The following ZNF211 variants were observed in gnomAD, a reference collection of about 807,000 sequenced individuals.
The protein encoded by ZNF211 is zinc finger protein C2H2-25.
ZNF211 carries 18 observed loss-of-function variants against 12.1 expected under a neutral mutation model. The observed-to-expected ratio is 1.48, with a 90% CI of 1.03 to 2.20. The LOEUF (loss-of-function observed/expected upper bound fraction) is 2.20, where lower values mean the gene tolerates loss of function less well. ZNF211 is among the 30% of genes most tolerant of loss of function. The pLI is 0.00. For synonymous variants in ZNF211, 249 were observed against 246.0 expected, an observed-to-expected ratio of 1.01 and a Z score of -0.11; for missense variants, 677 against 703.1, an observed-to-expected ratio of 0.96 and a Z score of 0.42.
chr19:57,634,756 G>T lies in ZNF211; in HGVS notation c.256+1G>T. 2 of 1,590,560 alleles carry T rather than the reference G, an allele frequency of 1.3e-6. No individual in the cohort carries two copies. Among genetic ancestry groups the T allele is most frequent in the Non-Finnish European group, 1.7e-6 (2 of 1,167,332 alleles). ...AACTTTGCACTTACGTCCTCCCTGG[G>T]TAAGGCCCTCATACTCACCCTTGTG... On this transcript the variant is annotated splice_donor_variant, in intron 3 of 3. Transcript: ENST00000240731. LOFTEE classifies it high-confidence loss of function.
In ZNF211 at chr19:57,634,716, G is replaced by A. The variant is rs746367795; in HGVS notation, c.217G>A (p.Asp73Asn). 6 of 1,606,504 alleles carry A rather than the reference G, an allele frequency of 3.7e-6. No homozygotes were observed. The highest frequency in any genetic ancestry group is 1.7e-5 in the Admixed American group (1 of 59,464). The change falls in exon 3 of 4, where the codon GAT becomes AAT. Residue 73 changes from aspartate to asparagine, a missense_variant. Asp to Asn is a conservative substitution (Grantham distance 23). Coordinates refer to ENST00000240731, the MANE Select transcript of ZNF211 (RefSeq NM_006385.5). ...LDEAQKHLYF[D>N]VMLENFALTS... is the part of the protein sequence containing the mutation. ...TGAGGCTCAGAAACACCTGTACTTC[G>A]ATGTGATGCTGGAGAACTTTGCACT... is the stretch of plus-strand genomic sequence containing the variant.
At position 57,634,719 on chromosome 19, in the gene ZNF211, G is replaced by A; in HGVS notation, c.220G>A (p.Val74Met). Reference sequence around the variant, plus strand: ...GGCTCAGAAACACCTGTACTTCGATGTGATGCTGGAGAACTTTGCACTTAC... The same window carrying A: ...GGCTCAGAAACACCTGTACTTCGATATGATGCTGGAGAACTTTGCACTTAC... ...DEAQKHLYFD[V>M]MLENFALTSS... The change falls in exon 3 of 4, where the codon GTG becomes ATG. Residue 74 changes from valine (V) to methionine (M), a missense_variant. Physicochemically the swap from Val to Met is conservative, Grantham distance 21 (BLOSUM62 1). Transcript: ENST00000240731. 5.6e-6 allele frequency: 9 copies of A among 1,606,910 alleles called. No individual in the cohort carries two copies. The highest frequency in any genetic ancestry group is 7.7e-6 in the Non-Finnish European group (9 of 1,175,956).
chr19:57,640,069 T>A (rs1444623669), intron 3 of ZNF211: 15 of 1,534,918 alleles, frequency 9.8e-6, no homozygotes, highest in Non-Finnish European at 9.6e-6. Context: ...TGTCATCAGG[T>A]CTGTGTTTAA....
chr19:57,638,659 T>C (rs12609093), intron 3 of ZNF211, among the ~76,000 whole-genome samples: 27,856 of 152,232 alleles, frequency 0.18, 2,716 homozygotes, highest in East Asian at 0.32. Flanking sequence ...AGAATGTTTT[T>C]GGTACACATG....
chr19:57,639,990 T>TGAC (rs1395551693), intron 3 of ZNF211: 62 of 1,535,932 alleles, frequency 4.0e-5, no homozygotes, highest in Non-Finnish European at 5.0e-5. Context: ...AGGATGTTCA[T>TGAC]GACTCCAGCC....
intron 3 of ZNF211, among the ~76,000 whole-genome samples, chr19:57,636,638 C>T (rs148556597): frequency 3.3e-4 from 50 of 152,308 alleles, no homozygotes; most frequent in African/African-American, 9.4e-4. Flanking sequence ...TTTGAAATTA[C>T]GAACTGTGAG....
rs977409689 is a variant in ZNF211, at chr19:57,640,087, C to G, written c.257-617C>G. ...CATCAGGTCTGTGTTTAAATTGCACCAGGAACCTGTCCTGTTTGACTTGTC... is the reference window on the plus strand; with the variant it reads ...CATCAGGTCTGTGTTTAAATTGCACGAGGAACCTGTCCTGTTTGACTTGTC... On this transcript the variant is annotated intron_variant, in intron 3 of 3. Transcript: ENST00000240731. 7 of 1,531,956 alleles carry G rather than the reference C, an allele frequency of 4.6e-6. No individual in the cohort carries two copies. The Middle Eastern group carries it at 5.0e-4, about 110-fold the overall frequency. The allele number at this position is 1,531,956 out of a possible 1,614,324, so 94.9% of individuals were successfully genotyped here.
At chr19:57,633,783 C>T (rs1170883022) in intron 1 of ZNF211, 3 of 1,543,704 alleles carry the variant, frequency 1.9e-6, no homozygotes, top group Non-Finnish European at 2.6e-6. Context: ...AAATCCTCTG[C>T]AGGCTGTTCA....
At chr19:57,635,728 T>C (rs1306514152) in intron 3 of ZNF211, among the ~76,000 whole-genome samples, 1 of 152,206 alleles carries the variant, frequency 6.6e-6, no homozygotes, top group East Asian at 1.9e-4. Flanking sequence ...TGTCCTTGCT[T>C]TCAATTCTTT....
Position 57,643,825 on chromosome 19 carries a change from T to C in ZNF211, c.*1644T>C, listed in dbSNP as rs1235879705. ...ATAATAGGTTTGTTTGTATTTTCTA[T>C]AATATATGATTTTATTAATAAAATG... On this transcript the variant is annotated 3_prime_UTR_variant, in exon 4 of 4. Transcript: ENST00000240731. Among the ~76,000 whole-genome samples the C allele has an allele frequency of 6.6e-6, 1 of 152,200 alleles. No homozygotes were observed. The highest frequency in any genetic ancestry group is 1.5e-5 in the Non-Finnish European group (1 of 68,030).
chr19:57,640,278 T>C (rs1411078630), intron 3 of ZNF211, among the ~76,000 whole-genome samples: 2 of 152,358 alleles, frequency 1.3e-5, no homozygotes, highest in African/African-American at 4.8e-5. Flanking sequence ...CACTGTTCCC[T>C]CTGTAGTGTT....
rs1224338445 is a variant in ZNF211, at chr19:57,641,171, C to T, written c.724C>T (p.His242Tyr). The change falls in exon 4 of 4, where the codon CAC becomes TAC. Residue 242 changes from histidine (H) to tyrosine (Y), a missense_variant. Coordinates refer to ENST00000240731, the MANE Select transcript of ZNF211 (RefSeq NM_006385.5). ...AVAFYSGKSHHNWGKCSKAFS... is the reference protein window; with the variant it reads ...AVAFYSGKSHYNWGKCSKAFS... ...GGCCTTTTACAGTGGAAAAAGTCAT[C>T]ACAACTGGGGAAAATGCAGTAAAGC... is the stretch of plus-strand genomic sequence containing the variant. 2.5e-6 allele frequency: 4 copies of T among 1,614,200 alleles called. No individual in the cohort carries two copies. The East Asian group carries it at 6.7e-5, about 27-fold the overall frequency.
At chr19:57,636,774 G>T (rs60544312) in intron 3 of ZNF211, among the ~76,000 whole-genome samples, 27,451 of 151,970 alleles carry the variant, frequency 0.18, 2,644 homozygotes, top group East Asian at 0.32. Flanking sequence ...GATAGGTATC[G>T]CACTTTCTAT....
In ZNF211 at chr19:57,643,035, C is replaced by T. The variant is rs1983159890; in HGVS notation, c.*854C>T. 6.6e-6 allele frequency among the ~76,000 whole-genome samples: 1 copy of T among 152,206 alleles called. No homozygotes were observed. Among genetic ancestry groups the T allele is most frequent in the Admixed American group, 6.5e-5 (1 of 15,294 alleles). ...AAGGATTTTTTGTGGGCTCAAAGGA[C>T]ACCCTGAGGAAGTGGGAAATTGTGA... On this transcript the variant is annotated 3_prime_UTR_variant, in exon 4 of 4. Coordinates refer to ENST00000240731, the MANE Select transcript of ZNF211 (RefSeq NM_006385.5).
chr19:57,641,163 A>G lies in ZNF211; in HGVS notation c.716A>G (p.Lys239Arg). The part of the protein sequence containing the change: ...NKCAVAFYSG[K>R]SHHNWGKCSK... ...TGTGCGGTGGCCTTTTACAGTGGAAAAAGTCATCACAACTGGGGAAAATGC... is the reference window on the plus strand; with the variant it reads ...TGTGCGGTGGCCTTTTACAGTGGAAGAAGTCATCACAACTGGGGAAAATGC... The change falls in exon 4 of 4, where the codon AAA (lysine) becomes AGA (arginine). Residue 239 changes from lysine to arginine, a missense_variant. Coordinates refer to ENST00000240731, the MANE Select transcript of ZNF211 (RefSeq NM_006385.5). The G allele has an allele frequency of 6.2e-7, 1 of 1,614,230 alleles. No individual in the cohort carries two copies. The highest frequency in any genetic ancestry group is 8.5e-7 in the Non-Finnish European group (1 of 1,180,044).
rs1183467376 is a variant in ZNF211 at position 57,641,181 on chromosome 19, G to A, written c.734G>A (p.Gly245Glu). The change falls in exon 4 of 4, where the codon GGA (glycine) becomes GAA (glutamate). Residue 245 changes from glycine (G) to glutamate (E), a missense_variant. By Grantham distance (98) the Gly-to-Glu change is moderately conservative (BLOSUM62 -2). Transcript: ENST00000240731. Reference sequence around the variant, plus strand: ...AGTGGAAAAAGTCATCACAACTGGGGAAAATGCAGTAAAGCCTTTAGCCAC... The same window carrying A: ...AGTGGAAAAAGTCATCACAACTGGGAAAAATGCAGTAAAGCCTTTAGCCAC... ...FYSGKSHHNW[G>E]KCSKAFSHID... 1.2e-6 allele frequency: 2 copies of A among 1,614,204 alleles called. No homozygotes were observed. Among genetic ancestry groups the A allele is most frequent in the East Asian group, 2.2e-5 (1 of 44,882 alleles).
At position 57,633,378 on chromosome 19, in the gene ZNF211, T is replaced by C. The variant is rs1466201189; in HGVS notation, c.32T>C (p.Leu11Pro). Residue 11 changes from leucine (L) to proline (P), a missense_variant, in exon 1 of 4, where the codon CTC becomes CCC. Coordinates refer to ENST00000240731, the MANE Select transcript of ZNF211 (RefSeq NM_006385.5). ...GGGTTCCCCCCGGGTCGCCCGCAGC[T>C]CCCGGTCCAGCTCCGCCCACAGACT... Reference protein sequence around the residue: MLGFPPGRPQLPVQLRPQTRM... With the variant: MLGFPPGRPQPPVQLRPQTRM... 6.2e-7 allele frequency: 1 copy of C among 1,602,650 alleles called. No homozygotes were observed. The highest frequency in any genetic ancestry group is 8.5e-7 in the Non-Finnish European group (1 of 1,177,568).
Position 57,643,191 on chromosome 19 carries a change from G to A in ZNF211, c.*1010G>A, listed in dbSNP as rs1232404525. ...GAGCCAAGTGCCCCAATACAATTTA[G>A]TAGGCTACTGTCACTGTAAAATGAT... is the stretch of plus-strand genomic sequence containing the variant. On this transcript the variant is annotated 3_prime_UTR_variant, in exon 4 of 4. Coordinates refer to ENST00000240731, the MANE Select transcript of ZNF211 (RefSeq NM_006385.5). Among the ~76,000 whole-genome samples the A allele has an allele frequency of 2.6e-5, 4 of 152,066 alleles. No individual in the cohort carries two copies. Among genetic ancestry groups the A allele is most frequent in the Non-Finnish European group, 4.4e-5 (3 of 68,030 alleles).
At position 57,641,626 on chromosome 19, in the gene ZNF211, A is replaced by G. The variant is rs373489176; in HGVS notation, c.1179A>G (p.Gln393=). The G allele has an allele frequency of 1.1e-5, 18 of 1,613,082 alleles. No homozygotes were observed. The highest frequency in any genetic ancestry group is 1.4e-5 in the Non-Finnish European group (16 of 1,179,458). Residue 393 remains glutamine (Q), a synonymous_variant, in exon 4 of 4, where the codon CAA becomes CAG. Transcript: ENST00000240731. ...GCGAATGTGGGAAATCTTTTAGCCA[A>G]AACTTTAGCCTGATCTACCACCAGA... The part of the protein sequence containing the change: ...ECSECGKSFS[Q]NFSLIYHQRV...
Sources: gnomAD v4.1 joint callset for allele counts (sites outside exome capture counted in the v4.1 genomes callset) on GRCh38, gnomAD v4.1.1 for gene constraint, MANE v1.5 for transcripts, NCBI Gene and HGNC (gene_info 2026-07-23, HGNC 2026-07-21) for gene names.